Variants in ARFIP1 observed in about 807,000 individuals in gnomAD.
ARFIP1 encodes arfaptin-1.
Under a neutral mutation model 42.5 loss-of-function variants are expected in ARFIP1, and 24 were observed. The ratio of observed to expected loss-of-function variants is 0.57; its 90% CI spans 0.41 to 0.80. The LOEUF is 0.80. Ranked by LOEUF, ARFIP1 falls within the 30% of genes least tolerant of loss-of-function variation. ARFIP1 has a pLI of 0.00. For missense variants in ARFIP1, 354 were observed against 434.0 expected, an observed-to-expected ratio of 0.82 and a Z score of 1.64; for synonymous variants, 141 against 153.7, an observed-to-expected ratio of 0.92 and a Z score of 0.61.
chr4:152,885,900 T>A (rs1454284580), intron 7 of ARFIP1, among the ~76,000 whole-genome samples: 2 of 152,008 alleles, frequency 1.3e-5, no homozygotes, highest in Admixed American at 6.6e-5. Flanking sequence ...TTACCAGGTA[T>A]CCTGTGTGTT....
rs558909675 is a variant in ARFIP1 at position 152,846,771 on chromosome 4, A to G, written c.94-16835A>G. Reference sequence around the variant, plus strand: ...TTACTTATATACATGTTTCTTTTATACTTGTTTAAAATCTTATAATGGCTT... The same window carrying G: ...TTACTTATATACATGTTTCTTTTATGCTTGTTTAAAATCTTATAATGGCTT... On this transcript the variant is annotated intron_variant, in intron 2 of 8. Transcript: ENST00000353617. 2.6e-5 allele frequency among the ~76,000 whole-genome samples: 4 copies of G among 152,314 alleles called. No homozygotes were observed. In the South Asian group the frequency reaches 8.3e-4, roughly 32 times the overall value.
intron 8 of ARFIP1, among the ~76,000 whole-genome samples, chr4:152,907,508 T>G (rs1579057487): frequency 6.6e-6 from 1 of 152,232 alleles, no homozygotes; most frequent in Non-Finnish European, 1.5e-5. Flanking sequence ...CTCTCTACTG[T>G]CCTCCCTCTA....
At chr4:152,822,189 A>G (rs1031936946) in intron 1 of ARFIP1, among the ~76,000 whole-genome samples, 3 of 151,902 alleles carry the variant, frequency 2.0e-5, no homozygotes, top group Admixed American at 2.0e-4. Context: ...AAGGATTCTT[A>G]CAGACTCAAG....
intron 2 of ARFIP1, among the ~76,000 whole-genome samples, chr4:152,860,096 C>G (rs188169106): frequency 6.6e-6 from 1 of 152,122 alleles, no homozygotes; most frequent in African/African-American, 2.4e-5. Flanking sequence ...CAGAAGAGTT[C>G]TATTTAAAAA....
chr4:152,809,142 A>G (rs115455087), intron 1 of ARFIP1, among the ~76,000 whole-genome samples: 212 of 152,312 alleles, frequency 1.4e-3, no homozygotes, highest in Non-Finnish European at 2.6e-3. Context: ...AATACAAAAG[A>G]TATTTGTATA....
chr4:152,851,123 C>T (rs1732941185), intron 2 of ARFIP1, among the ~76,000 whole-genome samples: 1 of 152,024 alleles, frequency 6.6e-6, no homozygotes. Flanking sequence ...AAATTTCTTG[C>T]CAAATGAAGT....
At position 152,853,589 on chromosome 4, in the gene ARFIP1, A is replaced by G. The variant is rs529371890; in HGVS notation, c.94-10017A>G. ...TTTCTTGCTGTTTTTAGAATTCTCTATTGTTGACTTTAGACTTTTTGACTA... is the reference window on the plus strand; with the variant it reads ...TTTCTTGCTGTTTTTAGAATTCTCTGTTGTTGACTTTAGACTTTTTGACTA... On this transcript the variant is annotated intron_variant, in intron 2 of 8. Coordinates refer to ENST00000353617, the MANE Select transcript of ARFIP1 (RefSeq NM_001025595.3). Among the ~76,000 whole-genome samples, 14 of 152,198 alleles carry G rather than the reference A, an allele frequency of 9.2e-5. No individual in the cohort carries two copies. In the South Asian group the frequency reaches 1.5e-3, roughly 16 times the overall value.
At chr4:152,908,441 C>T (rs1738551296) in intron 8 of ARFIP1, among the ~76,000 whole-genome samples, 1 of 152,104 alleles carries the variant, frequency 6.6e-6, no homozygotes, top group African/African-American at 2.4e-5. Context: ...GAAACCCCGT[C>T]TCTACTAAAA....
At position 152,862,246 on chromosome 4, in the gene ARFIP1, C is replaced by T. The variant is rs140388631; in HGVS notation, c.94-1360C>T. The stretch of plus-strand genomic sequence containing the variant: ...TGAACCCTTCCTAACCCTATTCCAT[C>T]CCTCCAGCGTTCCATATCATCCATG... On this transcript the variant is annotated intron_variant, in intron 2 of 8. Coordinates refer to ENST00000353617, the MANE Select transcript of ARFIP1 (RefSeq NM_001025595.3). 2.3e-3 allele frequency among the ~76,000 whole-genome samples: 348 copies of T among 152,270 alleles called. 2 individuals carry two copies. The highest frequency in any genetic ancestry group is 7.8e-3 in the African/African-American group (323 of 41,556).
chr4:152,902,356 G>A (rs562710510), intron 8 of ARFIP1, among the ~76,000 whole-genome samples: 5 of 152,168 alleles, frequency 3.3e-5, no homozygotes, highest in African/African-American at 1.2e-4. Context: ...AAAAAAGTTA[G>A]CCAGGTATGG....
At chr4:152,878,365 G>A (rs1735540493) in intron 5 of ARFIP1, among the ~76,000 whole-genome samples, 1 of 152,040 alleles carries the variant, frequency 6.6e-6, no homozygotes, top group African/African-American at 2.4e-5. Context: ...TTTTATTTCA[G>A]TATATACTGG....
At chr4:152,905,813 A>G (rs1738312919) in intron 8 of ARFIP1, among the ~76,000 whole-genome samples, 1 of 151,884 alleles carries the variant, frequency 6.6e-6, no homozygotes, top group Non-Finnish European at 1.5e-5. Context: ...TCAGCCTCCC[A>G]AAGTTCTGGG....
intron 8 of ARFIP1, among the ~76,000 whole-genome samples, chr4:152,896,398 A>G (rs1286223356): frequency 6.6e-6 from 1 of 152,230 alleles, no homozygotes; most frequent in African/African-American, 2.4e-5. Context: ...TTTTTCATAC[A>G]GTGAAATACT....
intron 2 of ARFIP1, among the ~76,000 whole-genome samples, chr4:152,841,764 A>T (rs758731097): frequency 4.6e-5 from 7 of 152,116 alleles, no homozygotes; most frequent in Non-Finnish European, 1.0e-4. Context: ...TCTGCTGTTG[A>T]TCTGATAGGT....
intron 8 of ARFIP1, among the ~76,000 whole-genome samples, chr4:152,903,173 TAATA>T (rs1245878928): frequency 2.6e-4 from 40 of 152,188 alleles, no homozygotes; most frequent in Non-Finnish European, 4.4e-5. Flanking sequence ...ACAAATTAGT[TAATA>T]AAAAATAGGC....
At chr4:152,896,661 CT>C (rs776370014) in intron 8 of ARFIP1, among the ~76,000 whole-genome samples, 1 of 151,690 alleles carries the variant, frequency 6.6e-6, no homozygotes, top group Non-Finnish European at 1.5e-5. Context: ...TCACTGTATA[CT>C]TTTTATATCT....
At chr4:152,864,959 G>A (rs1251888945) in intron 3 of ARFIP1, among the ~76,000 whole-genome samples, 2 of 127,548 alleles carry the variant, frequency 1.6e-5, no homozygotes, top group Non-Finnish European at 3.2e-5. Flanking sequence ...GTAAAGCCGT[G>A]TAAACATTTA....
chr4:152,834,382 A>G (rs1033494945), intron 2 of ARFIP1, among the ~76,000 whole-genome samples: 2 of 152,190 alleles, frequency 1.3e-5, no homozygotes, highest in Admixed American at 1.3e-4. Context: ...CTCAAGTCTA[A>G]ACTCTCAACT....
chr4:152,902,736 C>G (rs936610212), intron 8 of ARFIP1, among the ~76,000 whole-genome samples: 2 of 152,088 alleles, frequency 1.3e-5, no homozygotes, highest in African/African-American at 2.4e-5. Flanking sequence ...GAAATATTTC[C>G]TGGAACATTT....
Sources: allele counts gnomAD v4.1 joint callset (sites outside exome capture counted in the v4.1 genomes callset), GRCh38; gene constraint gnomAD v4.1.1; transcripts MANE v1.5; gene names NCBI Gene and HGNC (gene_info 2026-07-23, HGNC 2026-07-21).